RUNX2: variants seen among roughly 807,000 people sequenced by gnomAD.
RUNX2 encodes the protein RUNX family transcription factor 2.
In RUNX2, 10 loss-of-function variants were observed where a neutral mutation model predicts 51.7. The ratio of observed to expected loss-of-function variants is 0.19; its 90% confidence interval spans 0.12 to 0.33. RUNX2 has a LOEUF of 0.33. Among genes scored for constraint, RUNX2 ranks in the 10% least tolerant of loss-of-function variants. RUNX2 has a pLI of 1.00. For missense variants in RUNX2, 562 were observed against 691.3 expected, an observed-to-expected ratio of 0.81 and a Z score of 2.10; for synonymous variants, 276 against 273.6, an observed-to-expected ratio of 1.01 and a Z score of -0.09.
chr6:45,411,715 T>A (rs1279608585), intron 2 of RUNX2, among the ~76,000 whole-genome samples: 1 of 152,192 alleles, frequency 6.6e-6, no homozygotes, highest in Non-Finnish European at 1.5e-5. Flanking sequence ...CTATATATTA[T>A]AATAAGTTAT....
intron 2 of RUNX2, among the ~76,000 whole-genome samples, chr6:45,388,798 T>A (rs1797413191): frequency 6.6e-6 from 1 of 151,874 alleles, no homozygotes; most frequent in African/African-American, 2.4e-5. Context: ...AAGAGATTTC[T>A]TTCTTCCAAG....
intron 6 of RUNX2, among the ~76,000 whole-genome samples, chr6:45,499,204 G>A (rs1482817533): frequency 6.6e-6 from 1 of 152,200 alleles, no homozygotes; most frequent in East Asian, 1.9e-4. Flanking sequence ...GTGGTGCAGT[G>A]TTGTAATTTC....
At chr6:45,541,781 A>C (rs1802237275) in intron 7 of RUNX2, among the ~76,000 whole-genome samples, 2 of 152,330 alleles carry the variant, frequency 1.3e-5, no homozygotes, top group South Asian at 4.1e-4. Context: ...GGCCAAGAGG[A>C]CATGGGGCAT....
intron 2 of RUNX2, among the ~76,000 whole-genome samples, chr6:45,414,576 G>C (rs1798022982): frequency 1.3e-5 from 2 of 152,070 alleles, no homozygotes; most frequent in South Asian, 4.2e-4. Context: ...TGTTTATCTT[G>C]TTTAATACAG....
intron 2 of RUNX2, among the ~76,000 whole-genome samples, chr6:45,369,387 A>G (rs895120524): frequency 6.6e-6 from 1 of 152,172 alleles, no homozygotes; most frequent in African/African-American, 2.4e-5. Flanking sequence ...TCTTTCTCTG[A>G]CATCTAATTA....
intron 7 of RUNX2, among the ~76,000 whole-genome samples, chr6:45,524,544 C>A: frequency 6.6e-6 from 1 of 152,144 alleles, no homozygotes; most frequent in Non-Finnish European, 1.5e-5. Flanking sequence ...AAAAATAACA[C>A]ATATAATGAT....
intron 3 of RUNX2, among the ~76,000 whole-genome samples, chr6:45,430,146 A>G (rs796886479): frequency 6.6e-6 from 1 of 152,004 alleles, no homozygotes; most frequent in African/African-American, 2.4e-5. Flanking sequence ...CACTTTTGGG[A>G]GCAGGGTTGA....
At chr6:45,398,530 C>A (rs560427059) in intron 2 of RUNX2, among the ~76,000 whole-genome samples, 107 of 152,254 alleles carry the variant, frequency 7.0e-4, no homozygotes, top group African/African-American at 2.5e-3. Context: ...CAAGTACATA[C>A]AATATGGTAA....
intron 6 of RUNX2, 55 bp downstream of exon 6, chr6:45,492,169 G>C: frequency 1.3e-6 from 2 of 1,570,786 alleles, no homozygotes; most frequent in South Asian, 1.1e-5. Flanking sequence ...TGGGGGTGAG[G>C]GGCTACCAGA....
chr6:45,383,391 A>G (rs1797282645), intron 2 of RUNX2, among the ~76,000 whole-genome samples: 1 of 152,034 alleles, frequency 6.6e-6, no homozygotes, highest in African/African-American at 2.4e-5. Context: ...GAGCCAAGAT[A>G]GCGCCACCGC....
chr6:45,415,349 A>C (rs369102798), intron 2 of RUNX2, among the ~76,000 whole-genome samples: 1 of 152,280 alleles, frequency 6.6e-6, no homozygotes, highest in East Asian at 1.9e-4. Flanking sequence ...ACAAAGTAAG[A>C]GTCCTCCCCT....
intron 6 of RUNX2, among the ~76,000 whole-genome samples, chr6:45,509,803 A>G (rs1284370057): frequency 6.6e-5 from 10 of 151,954 alleles, no homozygotes; most frequent in Admixed American, 2.0e-4. Context: ...ATTTCTTTGT[A>G]TTTGTTCTTG....
chr6:45,418,411 A>G (rs1288335616), intron 2 of RUNX2, among the ~76,000 whole-genome samples: 1 of 152,190 alleles, frequency 6.6e-6, no homozygotes, highest in Non-Finnish European at 1.5e-5. Flanking sequence ...GAGTTGCCAC[A>G]TTTTCAGAAA....
intron 5 of RUNX2, among the ~76,000 whole-genome samples, chr6:45,490,840 G>C (rs1305053266): frequency 6.6e-6 from 1 of 152,084 alleles, no homozygotes; most frequent in African/African-American, 2.4e-5. Flanking sequence ...ATACTAAAAT[G>C]TTAGGGCAGC....
intron 2 of RUNX2, among the ~76,000 whole-genome samples, chr6:45,394,258 T>C (rs1473528552): frequency 6.6e-6 from 1 of 152,042 alleles, no homozygotes; most frequent in Admixed American, 6.6e-5. Flanking sequence ...AACTTACTCA[T>C]TGTCATGAGG....
At chr6:45,534,792 C>T (rs1223923867) in intron 7 of RUNX2, among the ~76,000 whole-genome samples, 1 of 152,162 alleles carries the variant, frequency 6.6e-6, no homozygotes, top group Admixed American at 6.5e-5. Context: ...CATCATTTTT[C>T]CCTTAGACAC....
intron 7 of RUNX2, among the ~76,000 whole-genome samples, chr6:45,533,755 A>G (rs766463103): frequency 1.3e-5 from 2 of 152,130 alleles, no homozygotes; most frequent in African/African-American, 2.4e-5. Flanking sequence ...AAAAGGTAGT[A>G]GTTTGGTTCC....
chr6:45,540,569 T>G (rs531495417), intron 7 of RUNX2, among the ~76,000 whole-genome samples: 33 of 152,324 alleles, frequency 2.2e-4, no homozygotes, highest in African/African-American at 7.9e-4. Flanking sequence ...TGATTCTTGA[T>G]GACTCTGACT....
intron 2 of RUNX2, among the ~76,000 whole-genome samples, chr6:45,407,245 A>T (rs1039062874): frequency 6.6e-6 from 1 of 151,996 alleles, no homozygotes; most frequent in Non-Finnish European, 1.5e-5. Context: ...CTGGCACCAC[A>T]GGCATGTACC....
Sources: gnomAD v4.1 joint callset for allele counts (sites outside exome capture counted in the v4.1 genomes callset) on GRCh38, gnomAD v4.1.1 for gene constraint, MANE v1.5 for transcripts, NCBI Gene and HGNC (gene_info 2026-07-23, HGNC 2026-07-21) for gene names.